Variants in NOL10 observed in about 807,000 individuals in gnomAD.
The protein encoded by NOL10 is nucleolar protein 10, also known as H_NH0074G24.1.
NOL10 carries 58 observed loss-of-function variants against 103.5 expected under a neutral mutation model. That is an observed-to-expected ratio of 0.56 (90% confidence interval 0.45 to 0.70). The LOEUF (loss-of-function observed/expected upper bound fraction) is 0.70. Among genes scored for constraint, NOL10 ranks in the 30% least tolerant of loss-of-function variants. The pLI is 0.00. For missense variants in NOL10, 763 were observed against 807.3 expected (o/e 0.95, Z 0.67); for synonymous variants, 287 against 282.5 (o/e 1.02, Z -0.16).
rs1299464220 is a variant in NOL10 at position 10,571,110 on chromosome 2, C to T, written c.*961G>A. On this transcript the variant is annotated 3_prime_UTR_variant, in exon 21 of 21. Transcript: ENST00000381685. The stretch of plus-strand genomic sequence containing the variant: ...CTTGATATGGTTTTGCTCTGTGTCC[C>T]CACACAAATCTCATGTCAAATTGTA... 1 of 152,178 alleles carries T rather than the reference C, an allele frequency of 6.6e-6. No homozygotes were observed. Among genetic ancestry groups the T allele is most frequent in the East Asian group, 1.9e-4 (1 of 5,198 alleles). The allele number at this position is 152,178 out of a possible 1,614,324, so 9.4% of individuals were successfully genotyped here.
At chr2:10,688,569 G>A (rs1363110769) in intron 1 of NOL10, among the ~76,000 whole-genome samples, 1 of 152,184 alleles carries the variant, frequency 6.6e-6, no homozygotes, top group Non-Finnish European at 1.5e-5. Context: ...GGCCTTCCCC[G>A]AAGGTTTTAT....
At position 10,571,979 on chromosome 2, in the gene NOL10, G is replaced by A. The variant is rs566939574; in HGVS notation, c.*92C>T. 4.9e-5 allele frequency: 69 copies of A among 1,403,772 alleles called. No homozygotes were observed. Among genetic ancestry groups the A allele is most frequent in the South Asian group, 1.9e-4 (15 of 80,104 alleles). 87.0% of individuals were successfully genotyped at this position (1,403,772 alleles called of 1,614,324 possible). On this transcript the variant is annotated 3_prime_UTR_variant, in exon 21 of 21. Coordinates refer to ENST00000381685, the MANE Select transcript of NOL10 (RefSeq NM_024894.4). ...AAGAACGTACATGAACTTTAAAAACGTGTGTTTCCTCGTCTGTGTTTAACA... is the reference window on the plus strand; with the variant it reads ...AAGAACGTACATGAACTTTAAAAACATGTGTTTCCTCGTCTGTGTTTAACA...
intron 19 of NOL10, among the ~76,000 whole-genome samples, chr2:10,581,259 T>A (rs2148147026): frequency 7.2e-6 from 1 of 138,038 alleles, no homozygotes; most frequent in Admixed American, 6.9e-5. Context: ...TTTTGGAGGG[T>A]GATCTGGCAG....
In NOL10 at chr2:10,644,304, T is replaced by G. The variant is rs377136995; in HGVS notation, c.1026+16A>C. 4.7e-6 allele frequency: 7 copies of G among 1,483,800 alleles called. No individual in the cohort carries two copies. The highest frequency in any genetic ancestry group is 6.3e-6 in the Non-Finnish European group (7 of 1,114,828). The allele number at this position is 1,483,800 out of a possible 1,614,324, so 91.9% of individuals were successfully genotyped here. Reference sequence around the variant, plus strand: ...CTTGTCCTATTTTTACTGAAACTCCTCTTTGTATTACTTACTGGAATGTAA... The same window carrying G: ...CTTGTCCTATTTTTACTGAAACTCCGCTTTGTATTACTTACTGGAATGTAA... On this transcript the variant is annotated intron_variant, in intron 13 of 20. Transcript: ENST00000381685.
At chr2:10,637,201 A>AC (rs1558309671) in intron 13 of NOL10, among the ~76,000 whole-genome samples, 2 of 150,494 alleles carry the variant, frequency 1.3e-5, no homozygotes, top group Non-Finnish European at 3.0e-5. Context: ...AAAAAAAAAA[A>AC]AAAAAAAAAA....
intron 13 of NOL10, among the ~76,000 whole-genome samples, chr2:10,631,051 T>C (rs1390219927): frequency 6.6e-6 from 1 of 152,220 alleles, no homozygotes; most frequent in African/African-American, 2.4e-5. Flanking sequence ...TGTCAGTATG[T>C]CTAATAGGGC....
At chr2:10,573,208 T>C (rs1401493826) in intron 20 of NOL10, among the ~76,000 whole-genome samples, 1 of 152,172 alleles carries the variant, frequency 6.6e-6, no homozygotes, top group Non-Finnish European at 1.5e-5. Context: ...ATTTTCTTTT[T>C]TTTTGAGATG....
At chr2:10,629,630 T>A (rs980212631) in intron 13 of NOL10, among the ~76,000 whole-genome samples, 3 of 152,218 alleles carry the variant, frequency 2.0e-5, no homozygotes, top group Non-Finnish European at 2.9e-5. Flanking sequence ...ATCAGACTTC[T>A]TATTTAAACA....
chr2:10,675,904 G>C (rs752455711), intron 3 of NOL10, 33 bp from the exon 4 acceptor site: 7 of 1,217,664 alleles, frequency 5.7e-6, no homozygotes, highest in Middle Eastern at 1.9e-4. Flanking sequence ...AAAACCTAAA[G>C]ACATACTTTC....
intron 13 of NOL10, among the ~76,000 whole-genome samples, chr2:10,627,682 AC>A (rs1248256393): frequency 3.5e-5 from 5 of 142,438 alleles, no homozygotes; most frequent in Admixed American, 7.0e-5. Flanking sequence ...CTCAAAAAAA[AC>A]AAACAAACAA....
chr2:10,615,936 G>C (rs1033394556), intron 13 of NOL10, among the ~76,000 whole-genome samples: 1 of 152,134 alleles, frequency 6.6e-6, no homozygotes, highest in Non-Finnish European at 1.5e-5. Flanking sequence ...CAGGTGACTT[G>C]AGCTGTGGGG....
Position 10,654,494 on chromosome 2 carries a change from G to C in NOL10, c.960C>G (p.Leu320=), listed in dbSNP as rs1200023525. The change falls in exon 12 of 21, where the codon CTC becomes CTG. Residue 320 remains leucine, a synonymous_variant. Transcript: ENST00000381685. ...EPEHDLNDVC[L]YPNSGMLLTA... is the part of the protein sequence containing the mutation. The stretch of plus-strand genomic sequence containing the variant: ...CAGAATGCATACCTGAGTTGGGGTA[G>C]AGACAAACATCATTAAGGTCATGCT... The C allele has an allele frequency of 3.1e-6, 5 of 1,599,950 alleles. No individual in the cohort carries two copies. Among genetic ancestry groups the C allele is most frequent in the South Asian group, 1.1e-5 (1 of 87,662 alleles).
Position 10,607,171 on chromosome 2 carries a change from AAT to A in NOL10, c.1153+12_1153+13del. On this transcript the variant is annotated intron_variant, in intron 14 of 20. Transcript: ENST00000381685. ...AAGTAATTACATAATATTTCATCAC[AAT>A]TTTTTTTTTACCTAAATTTTCAAGG... The A allele has an allele frequency of 6.6e-7, 1 of 1,511,030 alleles. No homozygotes were observed. The allele number at this position is 1,511,030 out of a possible 1,614,324, so 93.6% of individuals were successfully genotyped here. A position where few individuals can be genotyped will look rare whatever the true frequency, so the allele number is the denominator to read the frequency against.
intron 2 of NOL10, among the ~76,000 whole-genome samples, chr2:10,684,316 C>T (rs1681998201): frequency 6.6e-6 from 1 of 151,414 alleles, no homozygotes; most frequent in African/African-American, 2.4e-5. Flanking sequence ...TACAGTGGCT[C>T]ATGCCTGTAA....
At chr2:10,606,863 A>T (rs1676287891) in intron 14 of NOL10, among the ~76,000 whole-genome samples, 1 of 152,202 alleles carries the variant, frequency 6.6e-6, no homozygotes, top group Non-Finnish European at 1.5e-5. Flanking sequence ...TACTTCAGAT[A>T]ATACTGGTGA....
chr2:10,638,483 C>CTTTTTT (rs869294782), intron 13 of NOL10, among the ~76,000 whole-genome samples: 830 of 77,770 alleles, frequency 0.011, 154 homozygotes, highest in East Asian at 0.053. Context: ...GCTGAATTCC[C>CTTTTTT]TTTTTTTTTT....
rs1438564309 is a variant in NOL10 at position 10,589,233 on chromosome 2, C to G, written c.1654G>C (p.Asp552His). The change falls in exon 19 of 21, where the codon GAT becomes CAT. Residue 552 changes from aspartate to histidine, a missense_variant. Physicochemically the swap from Asp to His is moderately conservative, Grantham distance 81. Coordinates refer to ENST00000381685, the MANE Select transcript of NOL10 (RefSeq NM_024894.4). ...PSDAESSESS[D>H]DEKAWVEEVR... ...TCTTCAACCCAGGCTTTTTCATCAT[C>G]TGAACTCTCCGAACTTTCTGCATCA... 6.2e-7 allele frequency: 1 copy of G among 1,613,936 alleles called. No homozygotes were observed. Among genetic ancestry groups the G allele is most frequent in the African/African-American group, 1.3e-5 (1 of 75,014 alleles).
intron 19 of NOL10, among the ~76,000 whole-genome samples, chr2:10,582,642 G>C (rs982626500): frequency 2.0e-5 from 3 of 152,082 alleles, no homozygotes; most frequent in Non-Finnish European, 4.4e-5. Flanking sequence ...CTATGTTCAC[G>C]CATCTGGACT....
intron 13 of NOL10, among the ~76,000 whole-genome samples, chr2:10,615,758 G>A (rs904692357): frequency 6.6e-6 from 1 of 152,166 alleles, no homozygotes; most frequent in African/African-American, 2.4e-5. Context: ...AAGGCTCTAA[G>A]CATGGGGGAC....
Sources: allele counts gnomAD v4.1 joint callset (sites outside exome capture counted in the v4.1 genomes callset), GRCh38; gene constraint gnomAD v4.1.1; transcripts MANE v1.5; gene names NCBI Gene and HGNC (gene_info 2026-07-23, HGNC 2026-07-21).